CDKL1: variants seen among roughly 807,000 people sequenced by gnomAD.
CDKL1 encodes the protein cyclin-dependent kinase-like 1.
CDKL1 carries 41 observed loss-of-function variants against 42.0 expected under a neutral mutation model. The observed-to-expected ratio is 0.98, with a 90% confidence interval of 0.76 to 1.27. The LOEUF (loss-of-function observed/expected upper bound fraction) is 1.27. Ranked by LOEUF, CDKL1 falls within the 50% of genes most tolerant of loss-of-function variation. CDKL1 has a pLI of 0.00. For synonymous variants in CDKL1, 153 were observed against 158.6 expected, an observed-to-expected ratio of 0.96 and a Z score of 0.26; for missense variants, 394 against 428.4, an observed-to-expected ratio of 0.92 and a Z score of 0.71.
intron 4 of CDKL1, chr14:50,342,451 A>G: frequency 7.6e-7 from 1 of 1,309,932 alleles, no homozygotes; most frequent in Non-Finnish European, 9.7e-7. Flanking sequence ...TGAAAGGAAA[A>G]TGAAAGTAGG....
chr14:50,365,183 C>G (rs934916189), intron 2 of CDKL1, among the ~76,000 whole-genome samples: 3 of 152,058 alleles, frequency 2.0e-5, no homozygotes, highest in Non-Finnish European at 4.4e-5. Flanking sequence ...AATATTTACC[C>G]CTTGGCCAGG....
At chr14:50,380,701 G>C in intron 2 of CDKL1, among the ~76,000 whole-genome samples, 1 of 152,136 alleles carries the variant, frequency 6.6e-6, no homozygotes, top group South Asian at 2.1e-4. Context: ...TGGCTGTCCA[G>C]TTAAGATATG....
At position 50,336,158 on chromosome 14, in the gene CDKL1, G is replaced by C. The variant is rs769977121; in HGVS notation, c.739-1537C>G. ...GTGATACGCTGGAGCCCATCTGTGA[G>C]CGTTTCACAGCCCCAGAAGCAAGCA... is the stretch of plus-strand genomic sequence containing the variant. On this transcript the variant is annotated intron_variant, in intron 7 of 9. Transcript: ENST00000395834. 2.9e-6 allele frequency: 4 copies of C among 1,364,252 alleles called. No individual in the cohort carries two copies. The South Asian group carries it at 4.6e-5, about 16-fold the overall frequency. 84.5% of individuals were successfully genotyped at this position (1,364,252 alleles called of 1,614,324 possible).
chr14:50,374,331 G>T (rs766773193), intron 2 of CDKL1, among the ~76,000 whole-genome samples: 1 of 152,232 alleles, frequency 6.6e-6, no homozygotes. Context: ...TATTCTATAT[G>T]ATACTGTAAT....
At position 50,342,186 on chromosome 14, in the gene CDKL1, T is replaced by G; in HGVS notation, c.400A>C (p.Ile134Leu). ...HRDVKPENIL[I>L]TKHSVIKLCD... ...AGCTTAATCACGGAATGTTTCGTGATGAGGATATTTTCTGGCTTCACGTCT... is the reference window on the plus strand; with the variant it reads ...AGCTTAATCACGGAATGTTTCGTGAGGAGGATATTTTCTGGCTTCACGTCT... Residue 134 changes from isoleucine (I) to leucine (L), a missense_variant, in exon 5 of 10, where the codon ATC becomes CTC. By Grantham distance (5) the Ile-to-Leu change is conservative (BLOSUM62 2). Transcript: ENST00000395834. 1 of 1,614,138 alleles carries G rather than the reference T, an allele frequency of 6.2e-7. No individual in the cohort carries two copies. Among genetic ancestry groups the G allele is most frequent in the Non-Finnish European group, 8.5e-7 (1 of 1,180,002 alleles).
chr14:50,342,947 C>T (rs780847459), intron 4 of CDKL1: 1 of 1,357,864 alleles, frequency 7.4e-7, no homozygotes, highest in Non-Finnish European at 9.8e-7. Flanking sequence ...GTCCCACACA[C>T]AAGTGCTCTG....
chr14:50,349,562 T>C lies in CDKL1; in HGVS notation c.291-4504A>G, dbSNP rs150309121. Among the ~76,000 whole-genome samples the C allele has an allele frequency of 2.2e-3, 334 of 152,226 alleles. 1 individual carries two copies. The highest frequency in any genetic ancestry group is 3.7e-3 in the Non-Finnish European group (252 of 68,004). On this transcript the variant is annotated intron_variant, in intron 3 of 9. Coordinates refer to ENST00000395834, the MANE Select transcript of CDKL1 (RefSeq NM_004196.7). ...AAAGCAACCCATCCTGACAGGACAGTGTGACCCAAGAGCCATGCACAGTAA... is the reference window on the plus strand; with the variant it reads ...AAAGCAACCCATCCTGACAGGACAGCGTGACCCAAGAGCCATGCACAGTAA...
chr14:50,363,572 C>T (rs180750889), intron 2 of CDKL1, among the ~76,000 whole-genome samples: 1 of 152,302 alleles, frequency 6.6e-6, no homozygotes, highest in East Asian at 1.9e-4. Context: ...ACACTATTTG[C>T]TCCCTTGACA....
intron 2 of CDKL1, among the ~76,000 whole-genome samples, chr14:50,375,287 TTGAC>T (rs1474097565): frequency 2.0e-5 from 3 of 152,114 alleles, no homozygotes; most frequent in African/African-American, 7.2e-5. Context: ...AAATAAATGA[TTGAC>T]TGGATGAATG....
At chr14:50,366,403 G>T (rs2034436768) in intron 2 of CDKL1, among the ~76,000 whole-genome samples, 1 of 152,202 alleles carries the variant, frequency 6.6e-6, no homozygotes, top group African/African-American at 2.4e-5. Context: ...GCAACTGAAA[G>T]ACAGTGTGGC....
At chr14:50,386,569 T>C (rs750142494) in intron 2 of CDKL1, among the ~76,000 whole-genome samples, 8 of 152,206 alleles carry the variant, frequency 5.3e-5, no homozygotes, top group Non-Finnish European at 8.8e-5. Context: ...TTTCTCAGAA[T>C]AAAAGGTTGT....
At chr14:50,395,437 C>A (rs1345703034) in intron 2 of CDKL1, among the ~76,000 whole-genome samples, 2 of 152,232 alleles carry the variant, frequency 1.3e-5, no homozygotes, top group Non-Finnish European at 2.9e-5. Context: ...TAAGATATAA[C>A]CATGTCCCAT....
intron 2 of CDKL1, among the ~76,000 whole-genome samples, chr14:50,375,065 C>T (rs2034691647): frequency 6.6e-6 from 1 of 152,022 alleles, no homozygotes; most frequent in Non-Finnish European, 1.5e-5. Context: ...GGAACAAACC[C>T]ACACATTCTG....
chr14:50,396,904 G>T, upstream of CDKL1: 2 of 253,668 alleles, frequency 7.9e-6, no homozygotes, highest in Non-Finnish European at 1.4e-5. Context: ...CTCGGCCCGC[G>T]ATCCCTATGG....
At chr14:50,380,958 T>C (rs10162313) in intron 2 of CDKL1, among the ~76,000 whole-genome samples, 50,275 of 152,088 alleles carry the variant, frequency 0.33, 8,838 homozygotes, top group African/African-American at 0.42. Flanking sequence ...GGCACCACCA[T>C]GCCCAGCTGT....
In CDKL1 at chr14:50,357,713, A is replaced by AATCG. The variant is rs533683247; in HGVS notation, c.290+1311_290+1314dup. 2.3e-3 allele frequency among the ~76,000 whole-genome samples: 345 copies of AATCG among 152,346 alleles called. 1 individual carries two copies. In the Middle Eastern group the frequency reaches 0.048, roughly 21 times the overall value. On this transcript the variant is annotated intron_variant, in intron 3 of 9. Transcript: ENST00000395834. ...ATAGTTGCGTCACCTGAGCTGAGCC[A>AATCG]ATCGGAGTTCCACTAGACTTAATGT...
At chr14:50,380,050 C>G in intron 2 of CDKL1, 1 of 474,478 alleles carries the variant, frequency 2.1e-6, no homozygotes, top group East Asian at 6.6e-5. Context: ...ATAACTTCCT[C>G]CACTTGAGAA....
At chr14:50,391,486 G>A (rs1299994575) in intron 2 of CDKL1, among the ~76,000 whole-genome samples, 1 of 152,114 alleles carries the variant, frequency 6.6e-6, no homozygotes, top group East Asian at 1.9e-4. Flanking sequence ...GGGTTCAAGC[G>A]ATTCTCCTGT....
At chr14:50,364,442 C>T (rs904760927) in intron 2 of CDKL1, among the ~76,000 whole-genome samples, 1 of 152,194 alleles carries the variant, frequency 6.6e-6, no homozygotes, top group Non-Finnish European at 1.5e-5. Flanking sequence ...GCACTCCAGC[C>T]AGGGCAACAG....
Sources: allele counts gnomAD v4.1 joint callset (sites outside exome capture counted in the v4.1 genomes callset), GRCh38; gene constraint gnomAD v4.1.1; transcripts MANE v1.5; gene names NCBI Gene and HGNC (gene_info 2026-07-23, HGNC 2026-07-21).